Variants in PPIP5K1 observed in about 807,000 individuals in gnomAD.
PPIP5K1 encodes inositol hexakisphosphate and diphosphoinositol-pentakisphosphate kinase 1.
A neutral mutation model predicts 27.7 loss-of-function variants in PPIP5K1; 6 were observed. That is an observed-to-expected ratio of 0.22 (90% CI 0.12 to 0.43). The LOEUF is 0.43. Ranked by LOEUF, PPIP5K1 falls within the 20% of genes least tolerant of loss-of-function variation. The pLI is 1.00. For missense variants in PPIP5K1, 394 were observed against 635.4 expected (o/e 0.62, Z 4.08); for synonymous variants, 145 against 242.6 (o/e 0.60, Z 3.74).
chr15:43,539,631 G>T, intron 30 of PPIP5K1, 48 bp from the exon 31 acceptor site: 1 of 1,237,272 alleles, frequency 8.1e-7, no homozygotes, highest in Non-Finnish European at 1.2e-6. Flanking sequence ...AAAGACATAT[G>T]AGGAAGAATC....
At chr15:43,558,661 A>C in intron 30 of PPIP5K1, 134 bp downstream of exon 30, 1 of 1,260,862 alleles carries the variant, frequency 7.9e-7, no homozygotes, top group Non-Finnish European at 1.1e-6. Flanking sequence ...CCAGCCAGCA[A>C]TTATACATTT....
rs201763695 is a variant in PPIP5K1, at chr15:43,580,991, A to G, written c.1061+11T>C. On this transcript the variant is annotated intron_variant, in intron 10 of 31. Coordinates refer to ENST00000420765, the MANE Select transcript of PPIP5K1 (RefSeq NM_001394395.1). ...CCCATTCTCCCCAGCGCAGACCACTATGTCTCTTACCCCAGAATCTTGGCA... is the reference window on the plus strand; with the variant it reads ...CCCATTCTCCCCAGCGCAGACCACTGTGTCTCTTACCCCAGAATCTTGGCA... The G allele has an allele frequency of 3.6e-5, 31 of 871,724 alleles. 1 individual carries two copies. The highest frequency in any genetic ancestry group is 2.3e-4 in the Middle Eastern group (1 of 4,384). The allele number at this position is 871,724 out of a possible 1,614,324, so 54.0% of individuals were successfully genotyped here. A position where few individuals can be genotyped will look rare whatever the true frequency, so the allele number is the denominator to read the frequency against.
At chr15:43,544,235 TTTTC>T (rs1318539866) in intron 30 of PPIP5K1, among the ~76,000 whole-genome samples, 11 of 152,194 alleles carry the variant, frequency 7.2e-5, no homozygotes, top group African/African-American at 2.7e-4. Flanking sequence ...TATATGTATT[TTTTC>T]TTTATTTCCC....
intron 30 of PPIP5K1, among the ~76,000 whole-genome samples, chr15:43,543,793 C>CGT (rs1555423875): frequency 2.0e-5 from 3 of 147,580 alleles, no homozygotes; most frequent in Non-Finnish European, 4.5e-5. Context: ...CTCTGTAATG[C>CGT]ATATATATAT....
intron 29 of PPIP5K1, among the ~76,000 whole-genome samples, chr15:43,559,310 A>G (rs1256060308): frequency 6.6e-6 from 1 of 152,234 alleles, no homozygotes; most frequent in Non-Finnish European, 1.5e-5. Flanking sequence ...TGCAGATCTA[A>G]CATGAGATAG....
chr15:43,550,990 G>A (rs2082118510), intron 30 of PPIP5K1, among the ~76,000 whole-genome samples: 2 of 152,146 alleles, frequency 1.3e-5, no homozygotes, highest in Non-Finnish European at 2.9e-5. Context: ...TGTGCTGTCG[G>A]ATTTGGTTTG....
chr15:43,558,740 A>C, intron 30 of PPIP5K1, 55 bp downstream of exon 30: 1 of 1,603,298 alleles, frequency 6.2e-7, no homozygotes, highest in Non-Finnish European at 8.5e-7. Context: ...CTTATATTCT[A>C]GGAAGCATGG....
chr15:43,538,305 C>T (rs935435285), intron 31 of PPIP5K1, among the ~76,000 whole-genome samples: 1 of 152,248 alleles, frequency 6.6e-6, no homozygotes, highest in African/African-American at 2.4e-5. Flanking sequence ...TTCCCACCTC[C>T]AATTACCACC....
At chr15:43,554,298 T>G (rs1198772320) in intron 30 of PPIP5K1, among the ~76,000 whole-genome samples, 1 of 152,128 alleles carries the variant, frequency 6.6e-6, no homozygotes, top group African/African-American at 2.4e-5. Flanking sequence ...TCATTATCAA[T>G]ATATGACTTT....
At chr15:43,540,465 G>A (rs1030450956) in intron 30 of PPIP5K1, among the ~76,000 whole-genome samples, 5 of 151,908 alleles carry the variant, frequency 3.3e-5, no homozygotes, top group East Asian at 1.9e-4. Context: ...TTAGGAGGCC[G>A]GGGCAGGCAG....
At chr15:43,552,614 G>C (rs538933442) in intron 30 of PPIP5K1, among the ~76,000 whole-genome samples, 15 of 151,586 alleles carry the variant, frequency 9.9e-5, no homozygotes, top group South Asian at 2.1e-4. Context: ...AGCTACTCAG[G>C]GGGTGAGTAG....
At chr15:43,539,660 A>G in intron 30 of PPIP5K1, 77 bp from the exon 31 acceptor site, 2 of 913,718 alleles carry the variant, frequency 2.2e-6, no homozygotes. Context: ...ACACGTTCTC[A>G]ACATAAGTCA....
At chr15:43,537,706 A>AAGAGAG (rs1156583027) in intron 31 of PPIP5K1, among the ~76,000 whole-genome samples, 1 of 126,740 alleles carries the variant, frequency 7.9e-6, no homozygotes, top group Non-Finnish European at 1.5e-5. Context: ...AAAAAAAAAA[A>AAGAGAG]AGAGAGAGAG....
rs1004262872 is a variant in PPIP5K1 at position 43,534,762 on chromosome 15, T to G, written c.4385A>C (p.Gln1462Pro). The change falls in exon 32 of 32, where the codon CAG becomes CCG. Residue 1462 changes from glutamine (Q) to proline (P), a missense_variant. Physicochemically the swap from Gln to Pro is moderately conservative, Grantham distance 76 (BLOSUM62 -1). Around this residue, in one of 4 missense-constraint regions of PPIP5K1, gnomAD observed 379 missense variants for 423.9 expected, o/e 0.89. Coordinates refer to ENST00000420765, the MANE Select transcript of PPIP5K1 (RefSeq NM_001394395.1). Reference protein sequence around the residue: ...QETSAINLLSQGIPEIDKPSQ... With the variant: ...QETSAINLLSPGIPEIDKPSQ... ...TGGTTTATCAATCTCAGGGATGCCC[T>G]GAGATAACAGATTGATCGCAGAAGT... The G allele has an allele frequency of 1.3e-6, 2 of 1,565,570 alleles. No homozygotes were observed.
chr15:43,537,709 AGAG>A (rs2080096263), intron 31 of PPIP5K1, among the ~76,000 whole-genome samples: 4 of 112,228 alleles, frequency 3.6e-5, no homozygotes, highest in African/African-American at 1.2e-4. Flanking sequence ...AAAAAAAAAG[AGAG>A]AGAGAGAGAG....
intron 10 of PPIP5K1, among the ~76,000 whole-genome samples, chr15:43,579,507 A>G (rs1363010917): frequency 4.1e-5 from 4 of 98,370 alleles, no homozygotes; most frequent in Non-Finnish European, 6.9e-5. Flanking sequence ...ATATGTGTAT[A>G]TAGATGCACA....
intron 10 of PPIP5K1, among the ~76,000 whole-genome samples, chr15:43,580,698 G>A (rs1383940008): frequency 1.2e-4 from 10 of 85,790 alleles, no homozygotes; most frequent in African/African-American, 3.9e-4. Context: ...GCGTTCAAGC[G>A]ATTCTCCTGC....
intron 30 of PPIP5K1, among the ~76,000 whole-genome samples, chr15:43,541,748 G>GA (rs1440467268): frequency 6.6e-6 from 1 of 151,374 alleles, no homozygotes; most frequent in Non-Finnish European, 1.5e-5. Flanking sequence ...AAAAAAGAGA[G>GA]AAAAGAGAAA....
At chr15:43,548,939 A>G (rs2081755036) in intron 30 of PPIP5K1, among the ~76,000 whole-genome samples, 1 of 147,546 alleles carries the variant, frequency 6.8e-6, no homozygotes, top group African/African-American at 2.5e-5. Flanking sequence ...GAGACAGGAG[A>G]ATCGCTTGAA....
Sources: allele counts gnomAD v4.1 joint callset (sites outside exome capture counted in the v4.1 genomes callset), GRCh38; gene constraint gnomAD v4.1.1; regional missense constraint gnomAD v4.1.1; transcripts MANE v1.5; gene names NCBI Gene and HGNC (gene_info 2026-07-23, HGNC 2026-07-21).